Variants in CCDC150 observed in about 807,000 individuals in gnomAD.
CCDC150 encodes the protein coiled-coil domain containing 150.
A neutral mutation model predicts 156.5 loss-of-function variants in CCDC150; 151 were observed. The ratio of observed to expected loss-of-function variants is 0.97; its 90% CI spans 0.85 to 1.10. The LOEUF (loss-of-function observed/expected upper bound fraction) is 1.10, where lower values mean the gene tolerates loss of function less well. CCDC150 is among the 50% of genes least tolerant of loss of function. The pLI, the probability that CCDC150 is intolerant of heterozygous loss-of-function variation, is 0.00. For synonymous variants in CCDC150, 452 were observed against 429.4 expected (o/e 1.05, Z -0.65); for missense variants, 1,312 against 1,268.1 (o/e 1.03, Z -0.53).
intron 15 of CCDC150, among the ~76,000 whole-genome samples, chr2:196,707,494 T>G (rs1051163601): frequency 6.6e-6 from 1 of 152,204 alleles, no homozygotes; most frequent in Non-Finnish European, 1.5e-5. Flanking sequence ...AAGGGTTTTT[T>G]GTGTCTCTGT....
chr2:196,709,261 A>G (rs916524620), intron 15 of CCDC150, among the ~76,000 whole-genome samples: 1 of 152,034 alleles, frequency 6.6e-6, no homozygotes, highest in Non-Finnish European at 1.5e-5. Flanking sequence ...TTTGATCTTC[A>G]ATCACTGATA....
rs1175225651 is a variant in CCDC150 at position 196,672,438 on chromosome 2, G to A, written c.1029+1G>A. ...TCATGAAGCATCAGAAAAAGCACAAGTAAATGCTCATGATTTTGTTAGTTT... is the reference window on the plus strand; with the variant it reads ...TCATGAAGCATCAGAAAAAGCACAAATAAATGCTCATGATTTTGTTAGTTT... On this transcript the variant is annotated splice_donor_variant, in intron 9 of 27. Transcript: ENST00000389175. LOFTEE classifies it high-confidence loss of function. 1.4e-6 allele frequency: 2 copies of A among 1,453,962 alleles called. No homozygotes were observed. Among genetic ancestry groups the A allele is most frequent in the Non-Finnish European group, 1.8e-6 (2 of 1,095,330 alleles). 90.1% of individuals were successfully genotyped at this position (1,453,962 alleles called of 1,614,324 possible). A position where few individuals can be genotyped will look rare whatever the true frequency, so the allele number is the denominator to read the frequency against.
chr2:196,673,815 T>G (rs1273935157), intron 9 of CCDC150, among the ~76,000 whole-genome samples: 1 of 152,200 alleles, frequency 6.6e-6, no homozygotes, highest in African/African-American at 2.4e-5. Context: ...TATATTTTGC[T>G]TTTATGAATA....
At chr2:196,685,913 C>T (rs1266800949) in intron 13 of CCDC150, among the ~76,000 whole-genome samples, 3 of 152,072 alleles carry the variant, frequency 2.0e-5, no homozygotes, top group East Asian at 1.9e-4. Flanking sequence ...CGCGCCCAGC[C>T]GGTTGAATGT....
intron 5 of CCDC150, among the ~76,000 whole-genome samples, chr2:196,664,775 A>AC (rs1226759822): frequency 6.9e-6 from 1 of 145,300 alleles, no homozygotes; most frequent in African/African-American, 2.6e-5. Context: ...ACCTTCCCCC[A>AC]CCCCCCAGCC....
chr2:196,702,552 A>G (rs949489310), intron 15 of CCDC150, among the ~76,000 whole-genome samples: 8 of 151,878 alleles, frequency 5.3e-5, no homozygotes, highest in Non-Finnish European at 1.2e-4. Context: ...TGGTTTTTCC[A>G]TGGAGATAGG....
At position 196,680,726 on chromosome 2, in the gene CCDC150, G is replaced by A. The variant is rs547987839; in HGVS notation, c.1509+3365G>A. On this transcript the variant is annotated intron_variant, in intron 13 of 27. Coordinates refer to ENST00000389175, the MANE Select transcript of CCDC150 (RefSeq NM_001080539.2). ...TGTAAACATATGTTTTCAGTTGTCCGAGGTATAACCTAGGAGTGGAACTAC... is the reference window on the plus strand; with the variant it reads ...TGTAAACATATGTTTTCAGTTGTCCAAGGTATAACCTAGGAGTGGAACTAC... 2.6e-5 allele frequency among the ~76,000 whole-genome samples: 4 copies of A among 152,228 alleles called. No individual in the cohort carries two copies. The South Asian group carries it at 8.3e-4, about 32-fold the overall frequency.
chr2:196,729,515 G>A, intron 23 of CCDC150, 128 bp downstream of exon 23: 1 of 903,554 alleles, frequency 1.1e-6, no homozygotes, highest in Non-Finnish European at 1.7e-6. Context: ...ATAGCCAGTT[G>A]TCTTTGGGGA....
At chr2:196,646,222 C>A in intron 1 of CCDC150, 119 bp from the exon 2 acceptor site, 2 of 879,082 alleles carry the variant, frequency 2.3e-6, no homozygotes, top group South Asian at 1.7e-5. Flanking sequence ...CAAAGCAGAA[C>A]ACATCACCAT....
At chr2:196,642,986 T>C (rs1692326470) in intron 1 of CCDC150, among the ~76,000 whole-genome samples, 1 of 152,154 alleles carries the variant, frequency 6.6e-6, no homozygotes. Flanking sequence ...CAAGTGATCC[T>C]CCCACATAGG....
intron 4 of CCDC150, chr2:196,657,429 G>A (rs1467505205): frequency 1.6e-5 from 4 of 253,180 alleles, no homozygotes; most frequent in South Asian, 7.9e-5. Context: ...TCATATGCTA[G>A]TTGGGAGAAC....
chr2:196,646,521 A>G lies in CCDC150; in HGVS notation c.176+17A>G. On this transcript the variant is annotated intron_variant, in intron 2 of 27. Coordinates refer to ENST00000389175, the MANE Select transcript of CCDC150 (RefSeq NM_001080539.2). ...TGAAAAAAGGTAACAAAAATGAACT[A>G]CATCTCTGTAGGTTGAAGAATTTTG... The G allele has an allele frequency of 6.2e-7, 1 of 1,608,216 alleles. No individual in the cohort carries two copies. Among genetic ancestry groups the G allele is most frequent in the Non-Finnish European group, 8.5e-7 (1 of 1,175,182 alleles).
intron 4 of CCDC150, chr2:196,657,354 C>G (rs1341462338): frequency 4.1e-6 from 2 of 487,016 alleles, no homozygotes; most frequent in Non-Finnish European, 7.4e-6. Flanking sequence ...TTGTACAACC[C>G]TTACCCCATA....
At chr2:196,671,186 A>G (rs958302919) in intron 8 of CCDC150, among the ~76,000 whole-genome samples, 13 of 152,142 alleles carry the variant, frequency 8.5e-5, no homozygotes, top group African/African-American at 2.9e-4. Context: ...CATTCAGAGT[A>G]GTTTCATTGC....
At chr2:196,645,999 T>A (rs1692510318) in intron 1 of CCDC150, among the ~76,000 whole-genome samples, 1 of 152,234 alleles carries the variant, frequency 6.6e-6, no homozygotes, top group Admixed American at 6.5e-5. Context: ...ACAATCTTAA[T>A]GGCTTACAAC....
chr2:196,731,962 C>G, intron 26 of CCDC150, 71 bp from the exon 27 acceptor site: 1 of 1,469,516 alleles, frequency 6.8e-7, no homozygotes, highest in Non-Finnish European at 9.3e-7. Flanking sequence ...TAAAAAATCT[C>G]TGCAACTAAT....
At chr2:196,703,777 G>GT (rs1696402294) in intron 15 of CCDC150, among the ~76,000 whole-genome samples, 2 of 152,194 alleles carry the variant, frequency 1.3e-5, no homozygotes, top group African/African-American at 4.8e-5. Context: ...TGGGTCTGAT[G>GT]TTCTGTCTGA....
chr2:196,653,377 C>T (rs1692992325), intron 2 of CCDC150, among the ~76,000 whole-genome samples: 1 of 152,184 alleles, frequency 6.6e-6, no homozygotes, highest in East Asian at 1.9e-4. Context: ...GAACATTTTA[C>T]TGCTTACAGA....
intron 22 of CCDC150, 155 bp downstream of exon 22, chr2:196,726,254 A>T: frequency 1.3e-6 from 1 of 781,598 alleles, no homozygotes; most frequent in Non-Finnish European, 1.9e-6. Context: ...AAAGCAACAC[A>T]CAAGAAAAAA....
Sources: allele counts gnomAD v4.1 joint callset (sites outside exome capture counted in the v4.1 genomes callset), GRCh38; gene constraint gnomAD v4.1.1; transcripts MANE v1.5; gene names NCBI Gene and HGNC (gene_info 2026-07-23, HGNC 2026-07-21).